The following NELL1 variants were observed in gnomAD, a reference collection of about 807,000 sequenced individuals.
NELL1 encodes the protein protein kinase C-binding protein NELL1.
Under a neutral mutation model 107.4 loss-of-function variants are expected in NELL1, and 76 were observed. That is an observed-to-expected ratio of 0.71 (90% CI 0.59 to 0.86). The LOEUF (loss-of-function observed/expected upper bound fraction) is 0.86. NELL1 is among the 40% of genes least tolerant of loss of function. The pLI is 0.00. For missense variants in NELL1, 1,024 were observed against 1,005.5 expected (o/e 1.02, Z -0.25); for synonymous variants, 353 against 341.2 (o/e 1.03, Z -0.38).
intron 2 of NELL1, among the ~76,000 whole-genome samples, chr11:20,772,812 T>C (rs1384049295): frequency 6.6e-6 from 1 of 152,230 alleles, no homozygotes; most frequent in Non-Finnish European, 1.5e-5. Flanking sequence ...TGATTGGCTT[T>C]AGACAGATCT....
At chr11:20,851,873 C>T (rs1368191186) in intron 4 of NELL1, among the ~76,000 whole-genome samples, 1 of 152,158 alleles carries the variant, frequency 6.6e-6, no homozygotes, top group South Asian at 2.1e-4. Flanking sequence ...TCAGAGGAAG[C>T]CTGGATGCAG....
intron 15 of NELL1, among the ~76,000 whole-genome samples, chr11:21,404,144 C>T (rs906004058): frequency 6.6e-6 from 1 of 151,582 alleles, no homozygotes; most frequent in Non-Finnish European, 1.5e-5. Context: ...CAGGCCTGCA[C>T]TTTAGAAACA....
chr11:21,477,598 C>G (rs1484643996), intron 15 of NELL1, among the ~76,000 whole-genome samples: 1 of 151,924 alleles, frequency 6.6e-6, no homozygotes, highest in Non-Finnish European at 1.5e-5. Flanking sequence ...TACAAATAAG[C>G]CTAAACTATG....
At chr11:20,754,559 A>C (rs974525037) in intron 2 of NELL1, among the ~76,000 whole-genome samples, 4 of 152,208 alleles carry the variant, frequency 2.6e-5, no homozygotes, top group Non-Finnish European at 4.4e-5. Flanking sequence ...AAAATTATTT[A>C]GGAAATTATG....
At position 21,326,207 on chromosome 11, in the gene NELL1, AT is replaced by A. The variant is rs1332608388; in HGVS notation, c.1550-44638del. Among the ~76,000 whole-genome samples the A allele has an allele frequency of 8.0e-5, 11 of 136,998 alleles. No individual in the cohort carries two copies. In the East Asian group the frequency reaches 2.0e-3, roughly 25 times the overall value. 89.9% of individuals were successfully genotyped at this position (136,998 alleles called of 152,430 possible). A position where few individuals can be genotyped will look rare whatever the true frequency, so the allele number is the denominator to read the frequency against. On this transcript the variant is annotated intron_variant, in intron 14 of 19. Transcript: ENST00000357134. ...TTATTCCTTGTTCCTTTTGTTACTC[AT>A]TTTTTTTGCCTTCTTTTTGGATGAA... is the stretch of plus-strand genomic sequence containing the variant.
At chr11:20,915,717 A>ATTT (rs67447563) in intron 5 of NELL1, among the ~76,000 whole-genome samples, 6 of 58,204 alleles carry the variant, frequency 1.0e-4, no homozygotes, top group South Asian at 5.9e-4. Context: ...ATATATATAT[A>ATTT]TTTTTTTTTT....
chr11:20,836,025 C>A (rs1361107556), intron 3 of NELL1, among the ~76,000 whole-genome samples: 2 of 151,912 alleles, frequency 1.3e-5, no homozygotes, highest in African/African-American at 4.8e-5. Flanking sequence ...TTGAAAAACA[C>A]ACATTTGAGG....
intron 15 of NELL1, among the ~76,000 whole-genome samples, chr11:21,491,517 G>A (rs1311656365): frequency 6.6e-6 from 1 of 152,064 alleles, no homozygotes; most frequent in African/African-American, 2.4e-5. Flanking sequence ...TAGATAAGCG[G>A]CGCTATTTCT....
chr11:20,834,401 C>T (rs979357063), intron 3 of NELL1, among the ~76,000 whole-genome samples: 25 of 152,038 alleles, frequency 1.6e-4, no homozygotes, highest in South Asian at 8.3e-4. Flanking sequence ...TGGGGTATTC[C>T]GGGAGAGATG....
intron 2 of NELL1, among the ~76,000 whole-genome samples, chr11:20,781,980 G>A (rs1856859965): frequency 1.3e-5 from 2 of 150,620 alleles, no homozygotes; most frequent in Admixed American, 1.3e-4. Context: ...GGTGGAGGTT[G>A]CAGTGAGCCG....
intron 15 of NELL1, among the ~76,000 whole-genome samples, chr11:21,473,904 A>G (rs772091633): frequency 3.3e-5 from 5 of 152,134 alleles, no homozygotes; most frequent in Non-Finnish European, 5.9e-5. Context: ...TCATGCTTCA[A>G]GGTGTCTGTT....
intron 2 of NELL1, among the ~76,000 whole-genome samples, chr11:20,726,278 A>G (rs1439303224): frequency 6.6e-6 from 1 of 152,200 alleles, no homozygotes; most frequent in Non-Finnish European, 1.5e-5. Flanking sequence ...TGTTGCATCA[A>G]ATGGTAGTTT....
chr11:20,718,210 T>C (rs1194126371), intron 2 of NELL1, among the ~76,000 whole-genome samples: 6 of 152,212 alleles, frequency 3.9e-5, no homozygotes, highest in Admixed American at 2.0e-4. Context: ...GATCTATAGC[T>C]ACACTACCCA....
At chr11:21,458,703 T>C (rs1853814372) in intron 15 of NELL1, among the ~76,000 whole-genome samples, 1 of 152,094 alleles carries the variant, frequency 6.6e-6, no homozygotes, top group South Asian at 2.1e-4. Flanking sequence ...AGAAGAACAT[T>C]AGAAAACTGA....
chr11:20,976,076 AT>A lies in NELL1; in HGVS notation c.1300+15518del, dbSNP rs1272539464. Among the ~76,000 whole-genome samples, 3 of 147,488 alleles carry A rather than the reference AT, an allele frequency of 2.0e-5. No individual in the cohort carries two copies. The East Asian group carries it at 5.9e-4, about 29-fold the overall frequency. ...TATACATATATCTGTACATATATGT[AT>A]TATATACATTACATTTATATATACA... On this transcript the variant is annotated intron_variant, in intron 12 of 19. Transcript: ENST00000357134.
At chr11:20,688,511 A>G (rs1490537359) in intron 2 of NELL1, among the ~76,000 whole-genome samples, 1 of 152,170 alleles carries the variant, frequency 6.6e-6, no homozygotes, top group Non-Finnish European at 1.5e-5. Flanking sequence ...TAATTTGCTT[A>G]GGATAATGGC....
intron 3 of NELL1, among the ~76,000 whole-genome samples, chr11:20,836,388 G>A (rs1484093526): frequency 6.6e-6 from 1 of 151,846 alleles, no homozygotes; most frequent in Non-Finnish European, 1.5e-5. Context: ...AAGACAGTTT[G>A]GCAGTTTCTT....
intron 14 of NELL1, among the ~76,000 whole-genome samples, chr11:21,344,960 C>G (rs1850653849): frequency 6.6e-6 from 1 of 152,102 alleles, no homozygotes; most frequent in Non-Finnish European, 1.5e-5. Context: ...TGAAGTCTTT[C>G]CCAAAGAATG....
chr11:21,209,133 A>T (rs75740399), intron 13 of NELL1, among the ~76,000 whole-genome samples: 1,730 of 152,114 alleles, frequency 0.011, 34 homozygotes, highest in African/African-American at 0.038. Flanking sequence ...ACGGGTTTAG[A>T]TTTATATTTA....
Sources: gnomAD v4.1 joint callset for allele counts (sites outside exome capture counted in the v4.1 genomes callset) on GRCh38, gnomAD v4.1.1 for gene constraint, MANE v1.5 for transcripts, NCBI Gene and HGNC (gene_info 2026-07-23, HGNC 2026-07-21) for gene names.